Variants in MRPS24 observed in about 807,000 individuals in gnomAD.
The protein encoded by MRPS24 is mitochondrial ribosomal protein S24, also known as small ribosomal subunit protein uS3m.
In MRPS24, 15 loss-of-function variants were observed where a neutral mutation model predicts 21.8. The ratio of observed to expected loss-of-function variants is 0.69; its 90% CI spans 0.46 to 1.06. MRPS24 has a LOEUF of 1.06. MRPS24 is among the 50% of genes least tolerant of loss of function. The pLI is 0.00. For synonymous variants in MRPS24, 93 were observed against 93.7 expected, an observed-to-expected ratio of 0.99 and a Z score of 0.04; for missense variants, 224 against 219.1, an observed-to-expected ratio of 1.02 and a Z score of -0.14.
Position 43,866,822 on chromosome 7 carries a change from C to A in MRPS24, c.381G>T (p.Leu127Phe). The A allele has an allele frequency of 1.2e-6, 2 of 1,614,224 alleles. No homozygotes were observed. Among genetic ancestry groups the A allele is most frequent in the Non-Finnish European group, 1.7e-6 (2 of 1,180,042 alleles). Residue 127 changes from leucine (L) to phenylalanine (F), a missense_variant, in exon 4 of 4, where the codon TTG becomes TTT. Coordinates refer to ENST00000317534, the MANE Select transcript of MRPS24 (RefSeq NM_032014.3). ...CGAGGAAGTAGTACTTGTGTGGAGACAACTGCCTCAGGACCACGGCACAGA... is the reference window on the plus strand; with the variant it reads ...CGAGGAAGTAGTACTTGTGTGGAGAAAACTGCCTCAGGACCACGGCACAGA... ...LEICAVVLRQ[L>F]SPHKYYFLVG...
At position 43,866,956 on chromosome 7, in the gene MRPS24, C is replaced by T. The variant is rs373939200; in HGVS notation, c.247G>A (p.Ala83Thr). The T allele has an allele frequency of 1.1e-5, 18 of 1,614,028 alleles. No individual in the cohort carries two copies. In the African/African-American group the frequency reaches 1.2e-4, roughly 11 times the overall value. Reference sequence around the variant, plus strand: ...AAAACATCCTCCACCGTTCGCTCTGCGGCATGGTCCTCTCCATCCAGGTTA... The same window carrying T: ...AAAACATCCTCCACCGTTCGCTCTGTGGCATGGTCCTCTCCATCCAGGTTA... Reference protein sequence around the residue: ...TGNLDGEDHAAERTVEDVFLR... With the variant: ...TGNLDGEDHATERTVEDVFLR... Residue 83 changes from alanine to threonine, a missense_variant, in exon 4 of 4, where the codon GCA becomes ACA. Coordinates refer to ENST00000317534, the MANE Select transcript of MRPS24 (RefSeq NM_032014.3).
At chr7:43,868,797 C>A in intron 3 of MRPS24, 166 bp downstream of exon 3, 2 of 870,734 alleles carry the variant, frequency 2.3e-6, no homozygotes, top group Non-Finnish European at 3.3e-6. Flanking sequence ...TTTCAACATC[C>A]TGATCTATAT....
chr7:43,869,225 C>G lies in MRPS24; in HGVS notation c.108+83G>C. ...AGCCCCGCCTCGGACCCCAGCGACA[C>G]GCCCCCTTCAGCCCGCACGGCTTCC... is the stretch of plus-strand genomic sequence containing the variant. On this transcript the variant is annotated intron_variant, in intron 2 of 3. Coordinates refer to ENST00000317534, the MANE Select transcript of MRPS24 (RefSeq NM_032014.3). This position sits in a 1 kb window ranked among gnomAD's most constrained non-coding sequence, Gnocchi z 4.8. 6.8e-7 allele frequency: 1 copy of G among 1,473,438 alleles called. No homozygotes were observed. The highest frequency in any genetic ancestry group is 9.0e-7 in the Non-Finnish European group (1 of 1,116,800). The allele number at this position is 1,473,438 out of a possible 1,614,324, so 91.3% of individuals were successfully genotyped here.
rs777907757 is a variant in MRPS24 at position 43,869,392 on chromosome 7, G to A, written c.40-16C>T. On this transcript the variant is annotated splice_polypyrimidine_tract_variant and intron_variant, in intron 1 of 3. Coordinates refer to ENST00000317534, the MANE Select transcript of MRPS24 (RefSeq NM_032014.3). The surrounding 1 kb of genome is among the most constrained non-coding windows in gnomAD (Gnocchi z 4.8). ...AGGACAGCACCTGTGGAGGGAGGGC[G>A]CGTGAGGCGGAAACTAGGGACCCCA... The A allele has an allele frequency of 6.5e-7, 1 of 1,549,930 alleles. No individual in the cohort carries two copies. The highest frequency in any genetic ancestry group is 1.2e-5 in the South Asian group (1 of 84,068).
rs367600254 is a variant in MRPS24, at chr7:43,869,024, G to C, written c.159C>G (p.Tyr53Ter). 6 of 1,613,982 alleles carry C rather than the reference G, an allele frequency of 3.7e-6. No individual in the cohort carries two copies. The South Asian group carries it at 4.4e-5, about 12-fold the overall frequency. The part of the protein sequence containing the change: ...RVSKGDKPVT[Y>*]EEAHAPHYIA... ...TGTAGTGCGGCGCGTGTGCCTCCTC[G>C]TAGGTCACCGGCTTGTCCCCCTTGC... Residue 53 changes from tyrosine to a stop codon, truncating the protein, a stop_gained, in exon 3 of 4, where the codon TAC becomes TAG. Transcript: ENST00000317534. LOFTEE classifies it high-confidence loss of function. This position sits in a 1 kb window ranked among gnomAD's most constrained non-coding sequence, Gnocchi z 4.8.
intron 3 of MRPS24, chr7:43,868,742 T>G (rs2095838385): frequency 3.9e-6 from 2 of 518,966 alleles, no homozygotes; most frequent in Non-Finnish European, 6.6e-6. Context: ...ATTGAGTCCC[T>G]GCCTGCCATG....
Position 43,869,369 on chromosome 7 carries a change from G to A in MRPS24, c.47C>T (p.Ser16Phe). 6.5e-7 allele frequency: 1 copy of A among 1,549,746 alleles called. No individual in the cohort carries two copies. The highest frequency in any genetic ancestry group is 1.2e-5 in the South Asian group (1 of 84,056). ...CSGLLGPRVL[S>F]WSRELPCAWR... ...AGCGCAAGGCAGCTCTCGGCTCCAG[G>A]ACAGCACCTGTGGAGGGAGGGCGCG... The change falls in exon 2 of 4, where the codon TCC becomes TTC. Residue 16 changes from serine to phenylalanine, a missense_variant. Transcript: ENST00000317534. The surrounding 1 kb of genome is among the most constrained non-coding windows in gnomAD (Gnocchi z 4.8).
intron 3 of MRPS24, among the ~76,000 whole-genome samples, 160 bp from the exon 4 acceptor site, chr7:43,867,142 A>G (rs1563571315): frequency 6.6e-6 from 1 of 152,200 alleles, no homozygotes; most frequent in Non-Finnish European, 1.5e-5. Flanking sequence ...TAACACTTTA[A>G]AGTTCAAAGT....
Position 43,869,282 on chromosome 7 carries a change from C to T in MRPS24, c.108+26G>A. ...CCCGGCCCCCCGGCCCCCAGGCCCC[C>T]AGGCCCCTGCCCCGGCGGTGCTCAC... On this transcript the variant is annotated intron_variant, in intron 2 of 3. Transcript: ENST00000317534. This position sits in a 1 kb window ranked among gnomAD's most constrained non-coding sequence, Gnocchi z 4.8. 1 of 1,528,894 alleles carries T rather than the reference C, an allele frequency of 6.5e-7. No homozygotes were observed. Among genetic ancestry groups the T allele is most frequent in the Non-Finnish European group, 8.8e-7 (1 of 1,141,284 alleles). 94.7% of individuals were successfully genotyped at this position (1,528,894 alleles called of 1,614,324 possible). A position where few individuals can be genotyped will look rare whatever the true frequency, so the allele number is the denominator to read the frequency against.
rs180879559 is a variant in MRPS24, at chr7:43,866,609, T to C, written c.*90A>G. The stretch of plus-strand genomic sequence containing the variant: ...CAGATGAGAGACTATGCCTCAGTCC[T>C]CTGAGGGGATGCATTTCCCCCACAT... On this transcript the variant is annotated 3_prime_UTR_variant, in exon 4 of 4. Transcript: ENST00000317534. 7.1e-7 allele frequency: 1 copy of C among 1,406,446 alleles called. No individual in the cohort carries two copies. Among genetic ancestry groups the C allele is most frequent in the Admixed American group, 1.8e-5 (1 of 56,064 alleles). The allele number at this position is 1,406,446 out of a possible 1,614,324, so 87.1% of individuals were successfully genotyped here.
rs2095838779 is a variant in MRPS24, at chr7:43,869,157, C to G, written c.109-83G>C. On this transcript the variant is annotated intron_variant, in intron 2 of 3. Transcript: ENST00000317534. This position sits in a 1 kb window ranked among gnomAD's most constrained non-coding sequence, Gnocchi z 4.8. ...GCCATGTCCCCCCAGTCAGCTGGCA[C>G]TGTTCCCCGGCCCCAATCCCCTGAT... 6 of 1,507,118 alleles carry G rather than the reference C, an allele frequency of 4.0e-6. No homozygotes were observed. In the South Asian group the frequency reaches 7.5e-5, roughly 19 times the overall value. The allele number at this position is 1,507,118 out of a possible 1,614,324, so 93.4% of individuals were successfully genotyped here. A position where few individuals can be genotyped will look rare whatever the true frequency, so the allele number is the denominator to read the frequency against.
In MRPS24 at chr7:43,869,477, T is replaced by C; in HGVS notation, c.19A>G (p.Ser7Gly). The C allele has an allele frequency of 1.9e-6, 3 of 1,570,112 alleles. No individual in the cohort carries two copies. Among genetic ancestry groups the C allele is most frequent in the Non-Finnish European group, 2.6e-6 (3 of 1,159,032 alleles). ...CTCACCCGTGGCCCCAGCAACCCGC[T>C]GCACACGGAGGCCGCCATCTTGGGC... MAASVC[S>G]GLLGPRVLSW... The change falls in exon 1 of 4, where the codon AGC becomes GGC. Residue 7 changes from serine to glycine, a missense_variant. Coordinates refer to ENST00000317534, the MANE Select transcript of MRPS24 (RefSeq NM_032014.3). This position sits in a 1 kb window ranked among gnomAD's most constrained non-coding sequence, Gnocchi z 4.8.
In MRPS24 at chr7:43,869,448, C is replaced by T; in HGVS notation, c.39+9G>A. ...GACTCGCAGGGACCTGCCGAGTCGC[C>T]CCACTCACCCGTGGCCCCAGCAACC... On this transcript the variant is annotated intron_variant, in intron 1 of 3. Transcript: ENST00000317534. This position sits in a 1 kb window ranked among gnomAD's most constrained non-coding sequence, Gnocchi z 4.8. 6.4e-7 allele frequency: 1 copy of T among 1,561,088 alleles called. No individual in the cohort carries two copies. The highest frequency in any genetic ancestry group is 8.7e-7 in the Non-Finnish European group (1 of 1,153,502).
chr7:43,866,881 GC>G lies in MRPS24; in HGVS notation c.321del (p.Gln107HisfsTer4). The part of the protein sequence containing the change: ...WGTFPGCLAD[Q>X]LVLKRRGNQL... ...TGGTTACCCCGGCGCTTTAAAACCA[GC>G]TGGTCAGCCAGGCAGCCTGGGAAGG... On this transcript the variant is annotated frameshift_variant, in exon 4 of 4. Coordinates refer to ENST00000317534, the MANE Select transcript of MRPS24 (RefSeq NM_032014.3). LOFTEE classifies it high-confidence loss of function. 1 of 1,614,216 alleles carries G rather than the reference GC, an allele frequency of 6.2e-7. No homozygotes were observed. The highest frequency in any genetic ancestry group is 8.5e-7 in the Non-Finnish European group (1 of 1,180,032).
At position 43,866,665 on chromosome 7, in the gene MRPS24, C is replaced by A. The variant is rs1016141917; in HGVS notation, c.*34G>T. 14 of 1,604,244 alleles carry A rather than the reference C, an allele frequency of 8.7e-6. No individual in the cohort carries two copies. The highest frequency in any genetic ancestry group is 1.1e-5 in the Non-Finnish European group (13 of 1,172,724). On this transcript the variant is annotated 3_prime_UTR_variant, in exon 4 of 4. Transcript: ENST00000317534. The stretch of plus-strand genomic sequence containing the variant: ...TCCTTTCCCACGTTTCCATTCTCTG[C>A]AGGCTACAGCTTGATGGAAAAAAGG...
At position 43,866,891 on chromosome 7, in the gene MRPS24, C is replaced by A. The variant is rs759685614; in HGVS notation, c.312G>T (p.Leu104=). 2 of 1,614,192 alleles carry A rather than the reference C, an allele frequency of 1.2e-6. No individual in the cohort carries two copies. The highest frequency in any genetic ancestry group is 2.2e-5 in the South Asian group (2 of 91,080). Residue 104 remains leucine, a synonymous_variant, in exon 4 of 4, where the codon CTG becomes CTT. Transcript: ENST00000317534. ...GGCGCTTTAAAACCAGCTGGTCAGC[C>A]AGGCAGCCTGGGAAGGTACCCCACA... ...KFMWGTFPGC[L]ADQLVLKRRG...
intron 3 of MRPS24, chr7:43,868,227 G>C (rs899810410): frequency 6.6e-6 from 1 of 152,020 alleles, no homozygotes; most frequent in Non-Finnish European, 1.5e-5. Context: ...ACACTAGATA[G>C]CACTTCAGCA....
rs186071654 is a variant in MRPS24, at chr7:43,866,833, G to A, written c.370C>T (p.Leu124=). The change falls in exon 4 of 4, where the codon CTG becomes TTG. Residue 124 remains leucine, a synonymous_variant. Transcript: ENST00000317534. ...GNQLEICAVV[L]RQLSPHKYYF... ...TACTTGTGTGGAGACAACTGCCTCA[G>A]GACCACGGCACAGATCTCCAACTGG... 1 of 1,614,224 alleles carries A rather than the reference G, an allele frequency of 6.2e-7. No homozygotes were observed. The highest frequency in any genetic ancestry group is 1.7e-5 in the Admixed American group (1 of 60,014).
chr7:43,867,333 G>C (rs1366701476), intron 3 of MRPS24, among the ~76,000 whole-genome samples: 1 of 152,036 alleles, frequency 6.6e-6, no homozygotes, highest in Non-Finnish European at 1.5e-5. Context: ...CCATGGGCCA[G>C]AAAGATGAGG....
Sources: gnomAD v4.1 joint callset for allele counts (sites outside exome capture counted in the v4.1 genomes callset) on GRCh38, gnomAD v4.1.1 for gene constraint, Gnocchi (gnomAD v3.1) non-coding constraint, MANE v1.5 for transcripts, NCBI Gene and HGNC (gene_info 2026-07-23, HGNC 2026-07-21) for gene names.